DIAPH3: variants seen among roughly 807,000 people sequenced by gnomAD.
DIAPH3 encodes diaphanous related formin 3.
DIAPH3 carries 117 observed loss-of-function variants against 144.3 expected under a neutral mutation model. That is an observed-to-expected ratio of 0.81 (90% CI 0.70 to 0.95). DIAPH3 has a LOEUF of 0.95. DIAPH3 is among the 40% of genes least tolerant of loss of function. DIAPH3 has a pLI of 0.00. For synonymous variants in DIAPH3, 519 were observed against 488.9 expected, an observed-to-expected ratio of 1.06 and a Z score of -0.81; for missense variants, 1,421 against 1,412.7, an observed-to-expected ratio of 1.01 and a Z score of -0.09.
intron 1 of DIAPH3, among the ~76,000 whole-genome samples, chr13:60,136,951 A>T (rs74652377): frequency 0.15 from 12,994 of 89,004 alleles, 784 homozygotes; most frequent in East Asian, 0.37. Flanking sequence ...AAAAAAAAAA[A>T]AATAATAATA....
At chr13:60,086,636 T>C (rs1268172373) in intron 4 of DIAPH3, among the ~76,000 whole-genome samples, 1 of 151,748 alleles carries the variant, frequency 6.6e-6, no homozygotes, top group Non-Finnish European at 1.5e-5. Context: ...TTAACAAGAA[T>C]GTGTGAAACT....
Position 59,853,126 on chromosome 13 carries a change from C to T in DIAPH3, c.2737+8281G>A, listed in dbSNP as rs190040115. Among the ~76,000 whole-genome samples the T allele has an allele frequency of 2.0e-5, 3 of 152,284 alleles. No homozygotes were observed. In the East Asian group the frequency reaches 5.8e-4, roughly 29 times the overall value. On this transcript the variant is annotated intron_variant, in intron 22 of 27. Coordinates refer to ENST00000400324, the MANE Select transcript of DIAPH3 (RefSeq NM_001042517.2). Reference sequence around the variant, plus strand: ...AACTTGTCTAAGATTATACCTATAACAAGCTGGGGTTTCAACTCCAGGTGA... The same window carrying T: ...AACTTGTCTAAGATTATACCTATAATAAGCTGGGGTTTCAACTCCAGGTGA...
intron 21 of DIAPH3, among the ~76,000 whole-genome samples, chr13:59,874,338 G>A (rs1347225494): frequency 6.6e-6 from 1 of 152,138 alleles, no homozygotes; most frequent in Admixed American, 6.5e-5. Flanking sequence ...AGGGTTGGTG[G>A]AAACATTAAA....
intron 25 of DIAPH3, among the ~76,000 whole-genome samples, chr13:59,789,255 G>A (rs2039204475): frequency 6.6e-6 from 1 of 152,118 alleles, no homozygotes; most frequent in South Asian, 2.1e-4. Context: ...AGTAACCCAG[G>A]GAGGAAAAGG....
chr13:60,120,415 T>C (rs1297097428), intron 2 of DIAPH3, among the ~76,000 whole-genome samples: 2 of 152,238 alleles, frequency 1.3e-5, no homozygotes, highest in African/African-American at 2.4e-5. Context: ...ATGTTACAAA[T>C]GGGCTTCTTC....
At chr13:59,757,168 A>G (rs1413626772) in intron 27 of DIAPH3, among the ~76,000 whole-genome samples, 1 of 152,128 alleles carries the variant, frequency 6.6e-6, no homozygotes, top group Non-Finnish European at 1.5e-5. Context: ...AGTGTTATTG[A>G]GAATTAGATG....
At chr13:59,812,215 C>T (rs2040515719) in intron 24 of DIAPH3, among the ~76,000 whole-genome samples, 1 of 151,852 alleles carries the variant, frequency 6.6e-6, no homozygotes, top group South Asian at 2.1e-4. Flanking sequence ...ACAAAAAGCA[C>T]AGAGTAGAGG....
At chr13:59,811,113 A>G (rs1207729956) in intron 24 of DIAPH3, among the ~76,000 whole-genome samples, 190 bp from the exon 25 acceptor site, 1 of 152,224 alleles carries the variant, frequency 6.6e-6, no homozygotes, top group Non-Finnish European at 1.5e-5. Context: ...GTATCTATAA[A>G]TACGACTGTT....
chr13:60,137,633 T>A (rs888737179), intron 1 of DIAPH3, among the ~76,000 whole-genome samples: 1 of 152,050 alleles, frequency 6.6e-6, no homozygotes, highest in Non-Finnish European at 1.5e-5. Flanking sequence ...ACAGCCACCA[T>A]CAGATTCAAG....
chr13:59,769,722 T>C (rs959328593), intron 27 of DIAPH3, among the ~76,000 whole-genome samples: 1 of 151,940 alleles, frequency 6.6e-6, no homozygotes, highest in Non-Finnish European at 1.5e-5. Flanking sequence ...ACCTCAACAA[T>C]CCAAATTCCT....
chr13:60,065,551 CA>C (rs1259929030), intron 4 of DIAPH3, among the ~76,000 whole-genome samples: 1 of 152,008 alleles, frequency 6.6e-6, no homozygotes. Flanking sequence ...AATGAATGAA[CA>C]AGGGAGAGAG....
chr13:59,802,899 TGGTCTC>T (rs1166324958), intron 25 of DIAPH3, among the ~76,000 whole-genome samples: 2 of 150,664 alleles, frequency 1.3e-5, no homozygotes, highest in African/African-American at 4.9e-5. Context: ...TTAGCCAGGA[TGGTCTC>T]GATCTCCTGA....
At chr13:59,749,522 A>G (rs1270055039) in intron 27 of DIAPH3, among the ~76,000 whole-genome samples, 1 of 148,990 alleles carries the variant, frequency 6.7e-6, no homozygotes. Flanking sequence ...TCCATCTCAA[A>G]AAAAAAAAAA....
intron 17 of DIAPH3, among the ~76,000 whole-genome samples, chr13:59,932,332 G>C (rs6562063): frequency 0.64 from 96,464 of 151,830 alleles, 31,481 homozygotes; most frequent in African/African-American, 0.72. Context: ...CTGCACTGAA[G>C]GCTTTCTGTT....
At chr13:60,084,933 G>A (rs1259463321) in intron 4 of DIAPH3, among the ~76,000 whole-genome samples, 1 of 152,068 alleles carries the variant, frequency 6.6e-6, no homozygotes, top group Non-Finnish European at 1.5e-5. Flanking sequence ...GCATCAAGGT[G>A]ATTGATTAGC....
intron 4 of DIAPH3, among the ~76,000 whole-genome samples, chr13:60,058,896 G>A (rs1164649624): frequency 2.0e-5 from 3 of 151,746 alleles, no homozygotes; most frequent in East Asian, 3.9e-4. Flanking sequence ...ACTGGAGGAT[G>A]AAAAATTACC....
intron 4 of DIAPH3, among the ~76,000 whole-genome samples, chr13:60,069,626 C>G (rs1001657362): frequency 1.3e-5 from 2 of 152,070 alleles, no homozygotes; most frequent in Admixed American, 1.3e-4. Flanking sequence ...ACATTTAAGT[C>G]TTTAACCATC....
intron 21 of DIAPH3, among the ~76,000 whole-genome samples, chr13:59,863,106 A>G (rs955692127): frequency 6.6e-6 from 1 of 152,148 alleles, no homozygotes; most frequent in Non-Finnish European, 1.5e-5. Flanking sequence ...GTGCAATCAC[A>G]GGGAGAGGTA....
chr13:59,830,168 C>G (rs1453226986), intron 24 of DIAPH3, among the ~76,000 whole-genome samples: 3 of 151,742 alleles, frequency 2.0e-5, no homozygotes, highest in African/African-American at 7.3e-5. Flanking sequence ...TAAAGAGCAA[C>G]CTAAGAGATC....
Sources: allele counts gnomAD v4.1 joint callset (sites outside exome capture counted in the v4.1 genomes callset), GRCh38; gene constraint gnomAD v4.1.1; transcripts MANE v1.5; gene names NCBI Gene and HGNC (gene_info 2026-07-23, HGNC 2026-07-21).